GLIS3: variants seen among roughly 807,000 people sequenced by gnomAD.
GLIS3 encodes the protein GLIS family zinc finger 3.
In GLIS3, 53 loss-of-function variants were observed where a neutral mutation model predicts 78.6. The ratio of observed to expected loss-of-function variants is 0.67; its 90% CI spans 0.54 to 0.85. GLIS3 has a LOEUF of 0.85. GLIS3 is among the 40% of genes least tolerant of loss of function. The pLI is 0.00. For missense variants in GLIS3, 1,703 were observed against 1,231.1 expected (o/e 1.38, Z -5.74); for synonymous variants, 684 against 509.9 (o/e 1.34, Z -4.60).
chr9:4,323,315 A>G (rs1041490537), intron 2 of GLIS3, among the ~76,000 whole-genome samples: 2 of 152,156 alleles, frequency 1.3e-5, no homozygotes, highest in African/African-American at 2.4e-5. Context: ...TTTATCACAT[A>G]TATTTATATA....
chr9:4,314,065 C>G (rs188108945), intron 2 of GLIS3, among the ~76,000 whole-genome samples: 7 of 152,298 alleles, frequency 4.6e-5, no homozygotes, highest in Non-Finnish European at 8.8e-5. Context: ...CGTTTATTAG[C>G]TGGTGTGACC....
intron 8 of GLIS3, among the ~76,000 whole-genome samples, chr9:3,867,793 G>C (rs1318834103): frequency 6.6e-6 from 1 of 151,898 alleles, no homozygotes. Context: ...ACATGTGTTG[G>C]GTAAGGAGTG....
the GLIS3 span, among the ~76,000 whole-genome samples, chr9:4,437,402 C>CTGTATGTA: frequency 0.051 from 6,369 of 124,108 alleles, 213 homozygotes; most frequent in African/African-American, 0.092. Flanking sequence ...AGGTATTTGA[C>CTGTATGTA]TGTATGTATG....
chr9:4,252,385 C>A (rs192946270), intron 2 of GLIS3, among the ~76,000 whole-genome samples: 1 of 151,860 alleles, frequency 6.6e-6, no homozygotes, highest in African/African-American at 2.4e-5. Flanking sequence ...TCCTTTCTTC[C>A]GCTTGATCAA....
At chr9:4,050,239 C>T (rs1453643323) in intron 4 of GLIS3, among the ~76,000 whole-genome samples, 3 of 152,152 alleles carry the variant, frequency 2.0e-5, no homozygotes, top group East Asian at 1.9e-4. Flanking sequence ...AAATGTGGCA[C>T]ATATACCCCA....
At chr9:3,871,868 T>C (rs1820991108) in intron 8 of GLIS3, among the ~76,000 whole-genome samples, 1 of 152,206 alleles carries the variant, frequency 6.6e-6, no homozygotes, top group African/African-American at 2.4e-5. Flanking sequence ...CCAGCTTGAA[T>C]TTCTCCCCAG....
At chr9:4,265,547 A>G (rs1233540976) in intron 2 of GLIS3, among the ~76,000 whole-genome samples, 2 of 152,136 alleles carry the variant, frequency 1.3e-5, no homozygotes, top group East Asian at 3.8e-4. Context: ...TGGGATGATC[A>G]AGCTAGAATT....
At chr9:4,052,566 C>T (rs533640171) in intron 4 of GLIS3, among the ~76,000 whole-genome samples, 22 of 152,272 alleles carry the variant, frequency 1.4e-4, no homozygotes, top group African/African-American at 4.8e-4. Flanking sequence ...CTGGACATGT[C>T]GTAGAAACTG....
At chr9:4,436,677 G>T in the GLIS3 span, among the ~76,000 whole-genome samples, 1 of 151,806 alleles carries the variant, frequency 6.6e-6, no homozygotes, top group African/African-American at 2.4e-5. Flanking sequence ...ATGGTGGCGG[G>T]CACCTATAAT....
the GLIS3 span, among the ~76,000 whole-genome samples, chr9:4,386,194 TA>T: frequency 1.3e-5 from 2 of 152,216 alleles, no homozygotes; most frequent in Non-Finnish European, 2.9e-5. Context: ...CTAATCACCC[TA>T]ATCACCCTAC....
Position 3,962,761 on chromosome 9 carries a change from G to A in GLIS3, c.1711-25572C>T, listed in dbSNP as rs532476708. On this transcript the variant is annotated intron_variant, in intron 4 of 10. Coordinates refer to ENST00000381971, the MANE Select transcript of GLIS3 (RefSeq NM_001042413.2). ...GTCACAGATTCAGCTGAGTGCTAAT[G>A]ATGTCATTTGGTCTTCACTCTAGCA... Among the ~76,000 whole-genome samples the A allele has an allele frequency of 2.0e-5, 3 of 152,282 alleles. No individual in the cohort carries two copies. The South Asian group carries it at 6.2e-4, about 32-fold the overall frequency.
chr9:3,846,584 C>T (rs1382367335), intron 9 of GLIS3, among the ~76,000 whole-genome samples: 1 of 152,196 alleles, frequency 6.6e-6, no homozygotes, highest in East Asian at 1.9e-4. Context: ...ATGACCTGCT[C>T]ATAGGATTCC....
the GLIS3 span, among the ~76,000 whole-genome samples, chr9:4,366,692 CTT>C: frequency 6.6e-6 from 1 of 152,194 alleles, no homozygotes; most frequent in Non-Finnish European, 1.5e-5. Context: ...TTCAGACTGT[CTT>C]TGTTCTGAGC....
At chr9:4,303,322 C>CA (rs749059660), upstream of GLIS3, among the ~76,000 whole-genome samples, 4 of 151,920 alleles carry the variant, frequency 2.6e-5, no homozygotes, top group Non-Finnish European at 5.9e-5. Context: ...CGTAGAAATG[C>CA]AGTGGAAAAA....
chr9:4,337,698 C>T (rs531276051), intron 2 of GLIS3, among the ~76,000 whole-genome samples: 11 of 152,118 alleles, frequency 7.2e-5, no homozygotes, highest in Non-Finnish European at 1.5e-4. Flanking sequence ...TCTACCATAT[C>T]ACAAGGCCAG....
chr9:4,162,630 T>G (rs35958569), intron 2 of GLIS3, among the ~76,000 whole-genome samples: 1 of 151,750 alleles, frequency 6.6e-6, no homozygotes, highest in Non-Finnish European at 1.5e-5. Flanking sequence ...GAGGCCGAGG[T>G]GGGCAGATCA....
chr9:4,474,480 T>A, the GLIS3 span, among the ~76,000 whole-genome samples: 1 of 152,280 alleles, frequency 6.6e-6, no homozygotes, highest in East Asian at 1.9e-4. Flanking sequence ...TTTCAATAAA[T>A]GCTCCTGGAT....
intron 4 of GLIS3, among the ~76,000 whole-genome samples, chr9:4,008,653 C>T (rs532879): frequency 0.15 from 23,316 of 152,096 alleles, 2,295 homozygotes; most frequent in African/African-American, 0.28. Flanking sequence ...CTGTGAGCAA[C>T]TCACAAAGTA....
chr9:4,210,149 A>T (rs907960594), intron 2 of GLIS3, among the ~76,000 whole-genome samples: 2 of 152,232 alleles, frequency 1.3e-5, no homozygotes, highest in African/African-American at 4.8e-5. Flanking sequence ...ACCTTAGTTA[A>T]TTCAAGCCTT....
Sources: allele counts gnomAD v4.1 joint callset (sites outside exome capture counted in the v4.1 genomes callset), GRCh38; gene constraint gnomAD v4.1.1; transcripts MANE v1.5; gene names NCBI Gene and HGNC (gene_info 2026-07-23, HGNC 2026-07-21).